PTPRD: variants seen among roughly 807,000 people sequenced by gnomAD.
PTPRD encodes the protein receptor-type tyrosine-protein phosphatase delta.
A neutral mutation model predicts 214.5 loss-of-function variants in PTPRD; 34 were observed. The observed-to-expected ratio is 0.16, with a 90% CI of 0.12 to 0.21. PTPRD has a LOEUF of 0.21. Among genes scored for constraint, PTPRD ranks in the 10% least tolerant of loss-of-function variants. The probability of loss-of-function intolerance (pLI) is 1.00; values close to 1 mark genes in which losing one functional copy is unlikely to be tolerated. For missense variants in PTPRD, 2,545 were observed against 2,398.7 expected (o/e 1.06, Z -1.27); for synonymous variants, 1,128 against 845.7 (o/e 1.33, Z -5.79).
chr9:8,998,733 A>C (rs1446366781), intron 11 of PTPRD, among the ~76,000 whole-genome samples: 1 of 152,070 alleles, frequency 6.6e-6, no homozygotes, highest in African/African-American at 2.4e-5. Context: ...GAGCAAAGTA[A>C]ATCTAAAACC....
At chr9:8,759,811 T>C (rs1048026311) in intron 11 of PTPRD, among the ~76,000 whole-genome samples, 2 of 152,176 alleles carry the variant, frequency 1.3e-5, no homozygotes, top group African/African-American at 4.8e-5. Flanking sequence ...GAAAAGTGGT[T>C]CTTCTCTTCT....
chr9:10,084,473 T>G (rs2098295826), intron 3 of PTPRD, among the ~76,000 whole-genome samples: 1 of 151,924 alleles, frequency 6.6e-6, no homozygotes, highest in South Asian at 2.1e-4. Context: ...AGTTTTTGTT[T>G]ATCATATATT....
At chr9:8,340,121 A>T (rs1851089206) in intron 42 of PTPRD, among the ~76,000 whole-genome samples, 1 of 152,184 alleles carries the variant, frequency 6.6e-6, no homozygotes, top group Non-Finnish European at 1.5e-5. Context: ...CTTGTGCTTC[A>T]CTGGAAACAA....
chr9:8,787,946 A>T (rs2096060990), intron 11 of PTPRD, among the ~76,000 whole-genome samples: 1 of 152,164 alleles, frequency 6.6e-6, no homozygotes, highest in South Asian at 2.1e-4. Flanking sequence ...CCTATCTACA[A>T]GTGTTATTTA....
intron 3 of PTPRD, among the ~76,000 whole-genome samples, chr9:10,253,470 G>A (rs1486920238): frequency 6.6e-6 from 1 of 152,226 alleles, no homozygotes; most frequent in Non-Finnish European, 1.5e-5. Context: ...CGGCTCAGCT[G>A]CTCAGGAATA....
At chr9:9,463,148 C>T (rs1351064281) in intron 8 of PTPRD, among the ~76,000 whole-genome samples, 1 of 152,102 alleles carries the variant, frequency 6.6e-6, no homozygotes, top group African/African-American at 2.4e-5. Context: ...ATTAATTCAA[C>T]TTTCTACCTT....
At chr9:10,460,721 C>G (rs1212695095) in intron 2 of PTPRD, among the ~76,000 whole-genome samples, 2 of 152,020 alleles carry the variant, frequency 1.3e-5, no homozygotes, top group African/African-American at 4.8e-5. Context: ...TTCTCTTACA[C>G]CATACACAAA....
intron 10 of PTPRD, among the ~76,000 whole-genome samples, chr9:9,125,241 C>T (rs2099827440): frequency 6.6e-6 from 1 of 152,158 alleles, no homozygotes; most frequent in Non-Finnish European, 1.5e-5. Flanking sequence ...TCTAACAAAT[C>T]CCTGCTTGAC....
chr9:10,380,437 TG>T (rs1034755973), intron 2 of PTPRD, among the ~76,000 whole-genome samples: 2 of 152,054 alleles, frequency 1.3e-5, no homozygotes, highest in African/African-American at 4.8e-5. Flanking sequence ...ATTTTAGGAA[TG>T]ATATATTTAG....
At chr9:8,367,696 C>T (rs559268799) in intron 39 of PTPRD, among the ~76,000 whole-genome samples, 22 of 152,128 alleles carry the variant, frequency 1.4e-4, no homozygotes, top group Non-Finnish European at 2.8e-4. Flanking sequence ...TCAACAATTA[C>T]GTAGAACTCA....
chr9:9,327,236 T>C (rs2040330272), intron 9 of PTPRD, among the ~76,000 whole-genome samples: 1 of 152,166 alleles, frequency 6.6e-6, no homozygotes, highest in Non-Finnish European at 1.5e-5. Context: ...ACAACAAGAA[T>C]GTAAATTAAA....
intron 11 of PTPRD, among the ~76,000 whole-genome samples, chr9:8,909,998 T>C (rs192460963): frequency 2.0e-5 from 3 of 152,000 alleles, no homozygotes; most frequent in Admixed American, 2.0e-4. Flanking sequence ...TAAACAGTTG[T>C]CCTCTCCAAA....
chr9:10,156,750 A>G (rs1013700854), intron 3 of PTPRD, among the ~76,000 whole-genome samples: 1 of 152,092 alleles, frequency 6.6e-6, no homozygotes, highest in Non-Finnish European at 1.5e-5. Flanking sequence ...ATCTCCCCCT[A>G]TTGTTGCATG....
chr9:9,050,109 C>T (rs146062822), intron 10 of PTPRD, among the ~76,000 whole-genome samples: 303 of 152,280 alleles, frequency 2.0e-3, no homozygotes, highest in African/African-American at 6.7e-3. Flanking sequence ...TATTGCCGCA[C>T]GAAACCTCTG....
chr9:9,143,845 C>G (rs1464889609), intron 10 of PTPRD, among the ~76,000 whole-genome samples: 1 of 152,176 alleles, frequency 6.6e-6, no homozygotes, highest in Non-Finnish European at 1.5e-5. Context: ...ACTAACTTGG[C>G]CAGTTGTACT....
intron 2 of PTPRD, among the ~76,000 whole-genome samples, chr9:10,341,782 T>A (rs572175491): frequency 6.6e-6 from 1 of 152,034 alleles, no homozygotes; most frequent in African/African-American, 2.4e-5. Flanking sequence ...TATTAAAGGA[T>A]ATTTGATATA....
At chr9:8,703,793 G>A (rs995235997) in intron 12 of PTPRD, among the ~76,000 whole-genome samples, 13 of 152,118 alleles carry the variant, frequency 8.5e-5, no homozygotes, top group African/African-American at 3.1e-4. Context: ...CTGAGTTCTG[G>A]ATTCAAGTAT....
intron 3 of PTPRD, among the ~76,000 whole-genome samples, chr9:10,120,670 A>T (rs78834188): frequency 8.4e-5 from 1 of 11,976 alleles, no homozygotes; most frequent in Non-Finnish European, 2.8e-4. Context: ...ATAAATTTTG[A>T]AAAAAAATTT....
chr9:10,392,514 G>A (rs1236324737), intron 2 of PTPRD, among the ~76,000 whole-genome samples: 1 of 151,928 alleles, frequency 6.6e-6, no homozygotes, highest in East Asian at 2.0e-4. Context: ...TATTTATCCA[G>A]AATGTTTCAC....
Sources: allele counts gnomAD v4.1 joint callset (sites outside exome capture counted in the v4.1 genomes callset), GRCh38; gene constraint gnomAD v4.1.1; transcripts MANE v1.5; gene names NCBI Gene and HGNC (gene_info 2026-07-23, HGNC 2026-07-21).